Variants in TTN observed in about 807,000 individuals in gnomAD.
The protein encoded by TTN is connectin.
In TTN, 1,525 loss-of-function variants were observed where a neutral mutation model predicts 3,223.0. That is an observed-to-expected ratio of 0.47 (90% confidence interval 0.45 to 0.49). The LOEUF is 0.49. Ranked by LOEUF, TTN falls within the 20% of genes least tolerant of loss-of-function variation. TTN has a pLI of 0.00. For missense variants in TTN, 40,786 were observed against 43,424.0 expected (o/e 0.94, Z 5.40); for synonymous variants, 14,094 against 15,161.0 (o/e 0.93, Z 5.17).
chr2:178,804,643 C>G lies in TTN; in HGVS notation c.-1G>C. The G allele has an allele frequency of 6.2e-7, 1 of 1,613,784 alleles. No individual in the cohort carries two copies. On this transcript the variant is annotated 5_prime_UTR_variant, in exon 2 of 363. Transcript: ENST00000589042. ...TAAACGTCGGTGCTTGAGTTGTCAT[C>G]TTTCTAGGCACTCTGAAAAAGAAGA...
chr2:178,787,829 G>A (rs2093283857), intron 13 of TTN, among the ~76,000 whole-genome samples: 1 of 152,058 alleles, frequency 6.6e-6, no homozygotes, highest in Non-Finnish European at 1.5e-5. Flanking sequence ...CTACAAATGA[G>A]TATGCTGGTA....
At chr2:178,791,188 G>A (rs919261639) in intron 10 of TTN, among the ~76,000 whole-genome samples, 2 of 152,198 alleles carry the variant, frequency 1.3e-5, no homozygotes, top group African/African-American at 2.4e-5. Flanking sequence ...CAATGGCAAT[G>A]GGGATTTCTA....
In TTN at chr2:178,682,803, A is replaced by T; in HGVS notation, c.32988T>A (p.Asp10996Glu). The T allele has an allele frequency of 6.2e-7, 1 of 1,613,036 alleles. No individual in the cohort carries two copies. Among genetic ancestry groups the T allele is most frequent in the Non-Finnish European group, 8.5e-7 (1 of 1,179,276 alleles). Residue 10996 changes from aspartate (D) to glutamate (E), a missense_variant, in exon 135 of 363, where the codon GAT becomes GAA. By Grantham distance (45) the Asp-to-Glu change is conservative. Coordinates refer to ENST00000589042, the MANE Select transcript of TTN (RefSeq NM_001267550.2). ...EEEYEEYEEY[D>E]YKEFEEYEPT... ...GTTCATACTCCTCAAATTCTTTATA[A>T]TCATATTCTTCATATTCCTCATATT...
intron 78 of TTN, 95 bp downstream of exon 78, chr2:178,721,752 T>A: frequency 7.5e-7 from 1 of 1,334,882 alleles, no homozygotes; most frequent in South Asian, 2.0e-5. Flanking sequence ...GTCCAGTTAG[T>A]TTCTCTCAAA....
intron 243 of TTN, 116 bp downstream of exon 243, chr2:178,622,554 A>C (rs1266423133): frequency 1.4e-6 from 1 of 733,238 alleles, no homozygotes; most frequent in Admixed American, 3.0e-5. Context: ...TTATCTTTAA[A>C]AGTAAAGTGG....
rs1405845871 is a variant in TTN at position 178,581,959 on chromosome 2, C to A, written c.66410G>T (p.Gly22137Val). The A allele has an allele frequency of 6.2e-7, 1 of 1,613,218 alleles. No individual in the cohort carries two copies. Among genetic ancestry groups the A allele is most frequent in the Non-Finnish European group, 8.5e-7 (1 of 1,179,490 alleles). The change falls in exon 315 of 363, where the codon GGA becomes GTA. Residue 22137 changes from glycine to valine, a missense_variant. By Grantham distance (109) the Gly-to-Val change is moderately radical. Coordinates refer to ENST00000589042, the MANE Select transcript of TTN (RefSeq NM_001267550.2). The part of the protein sequence containing the change: ...EFRVTAINKA[G>V]PGKPSDASKA... ...GGATGCGTCACTGGGTTTGCCTGGT[C>A]CAGCTTTATTTATAGCTGTAACACG... is the stretch of plus-strand genomic sequence containing the variant.
In TTN at chr2:178,711,951, G is replaced by C. The variant is rs751693156; in HGVS notation, c.27879C>G (p.Thr9293=). ...TAAAAATATTGCAATCACCTTGAAC[G>C]GTAAGGAAAGTTGATGCAGAAACTT... is the stretch of plus-strand genomic sequence containing the variant. ...VGEVSASTFL[T]VQEQKLPPSF... Residue 9293 remains threonine (T), a synonymous_variant, in exon 96 of 363, where the codon ACC becomes ACG. Coordinates refer to ENST00000589042, the MANE Select transcript of TTN (RefSeq NM_001267550.2). The C allele has an allele frequency of 1.3e-6, 2 of 1,594,602 alleles. No individual in the cohort carries two copies. Among genetic ancestry groups the C allele is most frequent in the Non-Finnish European group, 1.7e-6 (2 of 1,169,546 alleles).
chr2:178,527,843 C>G, intron 361 of TTN, 95 bp from the exon 362 acceptor site: 1 of 1,181,156 alleles, frequency 8.5e-7, no homozygotes, highest in East Asian at 2.5e-5. Flanking sequence ...CTTCAACACA[C>G]ACACAGCAGC....
Position 178,749,238 on chromosome 2 carries a change from C to T in TTN, c.11311+3886G>A, listed in dbSNP as rs2084638848. ...CTTATTTCTTTCTTAATAGTGACAT[C>T]ACTGAAATCATCAACAAATGGATAA... On this transcript the variant is annotated intron_variant, in intron 47 of 362. Transcript: ENST00000589042. 3 of 1,611,854 alleles carry T rather than the reference C, an allele frequency of 1.9e-6. No homozygotes were observed. Among genetic ancestry groups the T allele is most frequent in the Non-Finnish European group, 2.5e-6 (3 of 1,179,246 alleles).
chr2:178,782,491 A>T, intron 19 of TTN, 48 bp downstream of exon 19: 2 of 1,613,808 alleles, frequency 1.2e-6, no homozygotes, highest in Non-Finnish European at 1.7e-6. Context: ...GGTGGGGCTG[A>T]AAGTCAAAAT....
At chr2:178,628,289 T>C (rs2059335870) in intron 240 of TTN, among the ~76,000 whole-genome samples, 1 of 152,062 alleles carries the variant, frequency 6.6e-6, no homozygotes, top group Non-Finnish European at 1.5e-5. Flanking sequence ...TTTGTTAAAC[T>C]GAATCACTTT....
chr2:178,754,614 A>C (rs1034884707), intron 46 of TTN, among the ~76,000 whole-genome samples: 6 of 152,126 alleles, frequency 3.9e-5, no homozygotes. Flanking sequence ...CATTACTGAA[A>C]AAATTGTCAC....
Position 178,683,194 on chromosome 2 carries a change from A to ATGCC in TTN, c.32887+16_32887+17insGGCA. ...ATAGTTTCATGCCTCACATTACTTA[A>ATGCC]TCAAAGTTCAATATACCTTTGATGG... On this transcript the variant is annotated intron_variant, in intron 134 of 362. Coordinates refer to ENST00000589042, the MANE Select transcript of TTN (RefSeq NM_001267550.2). The ATGCC allele has an allele frequency of 6.6e-7, 1 of 1,525,148 alleles. No homozygotes were observed. The highest frequency in any genetic ancestry group is 1.4e-5 in the African/African-American group (1 of 72,734). The allele number at this position is 1,525,148 out of a possible 1,614,324, so 94.5% of individuals were successfully genotyped here.
chr2:178,711,746 C>T (rs961890082), intron 96 of TTN, among the ~76,000 whole-genome samples, 198 bp downstream of exon 96: 1 of 152,102 alleles, frequency 6.6e-6, no homozygotes, highest in Non-Finnish European at 1.5e-5. Flanking sequence ...ATTGCATAAT[C>T]CTTCCAATTA....
At chr2:178,558,748 G>A in intron 326 of TTN, 111 bp from the exon 327 acceptor site, 2 of 1,184,140 alleles carry the variant, frequency 1.7e-6, no homozygotes, top group Non-Finnish European at 2.3e-6. Context: ...ATATTTTTAT[G>A]TTGATTTTAG....
rs1250296695 is a variant in TTN at position 178,573,004 on chromosome 2, T to A, written c.73128A>T (p.Pro24376=). Residue 24376 remains proline (P), a synonymous_variant, in exon 326 of 363, where the codon CCA becomes CCT. Coordinates refer to ENST00000589042, the MANE Select transcript of TTN (RefSeq NM_001267550.2). ...TATACGAAGTTGCCTTGAGTCCTGC[T>A]GGTGGAGTGACAATCTGCCATTCAT... is the stretch of plus-strand genomic sequence containing the variant. ...EEDEWQIVTP[P]AGLKATSYTI... 1.2e-6 allele frequency: 2 copies of A among 1,613,208 alleles called. No individual in the cohort carries two copies. Among genetic ancestry groups the A allele is most frequent in the African/African-American group, 2.7e-5 (2 of 75,020 alleles).
chr2:178,621,574 T>C lies in TTN; in HGVS notation c.45250A>G (p.Lys15084Glu). Residue 15084 changes from lysine (K) to glutamate (E), a missense_variant, in exon 245 of 363, where the codon AAG (lysine) becomes GAG (glutamate). Transcript: ENST00000589042. ...GRYEILTEGR[K>E]RILVIQNAHL... ...GCGTTCTGAATGACCAGGATTCTCTTCCGTCCTTCAGTCAGTATTTCATAT... is the reference window on the plus strand; with the variant it reads ...GCGTTCTGAATGACCAGGATTCTCTCCCGTCCTTCAGTCAGTATTTCATAT... 1.2e-6 allele frequency: 2 copies of C among 1,612,514 alleles called. No homozygotes were observed. Among genetic ancestry groups the C allele is most frequent in the Non-Finnish European group, 1.7e-6 (2 of 1,179,088 alleles).
chr2:178,603,815 A>G, intron 282 of TTN, 61 bp downstream of exon 282: 1 of 1,442,164 alleles, frequency 6.9e-7, no homozygotes, highest in Non-Finnish European at 9.2e-7. Context: ...TTAAGGCAGA[A>G]TTATCCATTT....
At position 178,566,968 on chromosome 2, in the gene TTN, T is replaced by C; in HGVS notation, c.79164A>G (p.Gly26388=). 2 of 1,613,602 alleles carry C rather than the reference T, an allele frequency of 1.2e-6. No homozygotes were observed. The highest frequency in any genetic ancestry group is 1.7e-6 in the Non-Finnish European group (2 of 1,179,664). Residue 26388 remains glycine (G), a synonymous_variant, in exon 326 of 363, where the codon GGA becomes GGG. Coordinates refer to ENST00000589042, the MANE Select transcript of TTN (RefSeq NM_001267550.2). ...VLMKNPFVLP[G]PPKSLEVTNI... ...TTGTGACTTCCAAGCTTTTTGGTGG[T>C]CCAGGAAGCACAAATGGATTTTTCA...
Sources: allele counts gnomAD v4.1 joint callset (sites outside exome capture counted in the v4.1 genomes callset), GRCh38; gene constraint gnomAD v4.1.1; transcripts MANE v1.5; gene names NCBI Gene and HGNC (gene_info 2026-07-23, HGNC 2026-07-21).